RYR3: variants seen among roughly 807,000 people sequenced by gnomAD.
RYR3 encodes brain ryanodine receptor-calcium release channel.
Under a neutral mutation model 584.3 loss-of-function variants are expected in RYR3, and 207 were observed. The observed-to-expected ratio is 0.35, with a 90% CI of 0.32 to 0.40. The LOEUF (loss-of-function observed/expected upper bound fraction) is 0.40. Among genes scored for constraint, RYR3 ranks in the 10% least tolerant of loss-of-function variants. The pLI, the probability that RYR3 is intolerant of heterozygous loss-of-function variation, is 1.00. For missense variants in RYR3, 5,616 were observed against 6,089.2 expected (o/e 0.92, Z 2.59); for synonymous variants, 2,416 against 2,248.5 (o/e 1.07, Z -2.11).
chr15:33,715,680 G>A (rs2067443528), intron 43 of RYR3, among the ~76,000 whole-genome samples: 1 of 152,192 alleles, frequency 6.6e-6, no homozygotes, highest in African/African-American at 2.4e-5. Context: ...CAGTAAGATT[G>A]ATGTCTGGGA....
intron 19 of RYR3, among the ~76,000 whole-genome samples, chr15:33,619,172 T>C (rs1025166315): frequency 3.9e-5 from 6 of 152,080 alleles, no homozygotes; most frequent in African/African-American, 1.4e-4. Flanking sequence ...ATGAAATATC[T>C]GAGTTATAGA....
intron 10 of RYR3, among the ~76,000 whole-genome samples, chr15:33,561,942 G>C (rs2057429094): frequency 6.6e-6 from 1 of 151,882 alleles, no homozygotes; most frequent in Non-Finnish European, 1.5e-5. Flanking sequence ...TTTGCAAATA[G>C]GCAACAGCCG....
At chr15:33,344,402 C>G (rs1339143914) in intron 1 of RYR3, among the ~76,000 whole-genome samples, 1 of 152,140 alleles carries the variant, frequency 6.6e-6, no homozygotes, top group East Asian at 1.9e-4. Context: ...TAGACCCTGC[C>G]ATGGGTATAT....
intron 43 of RYR3, among the ~76,000 whole-genome samples, chr15:33,716,664 A>G (rs935348534): frequency 6.6e-6 from 1 of 152,200 alleles, no homozygotes; most frequent in African/African-American, 2.4e-5. Context: ...TATCAGCTAC[A>G]TTCTTTTCAC....
intron 1 of RYR3, among the ~76,000 whole-genome samples, chr15:33,359,541 C>T (rs960030114): frequency 2.0e-5 from 3 of 152,206 alleles, no homozygotes; most frequent in Admixed American, 6.5e-5. Flanking sequence ...CCTTTCACTT[C>T]ACTGAGGTTT....
intron 1 of RYR3, among the ~76,000 whole-genome samples, chr15:33,368,205 A>G (rs1975769716): frequency 6.6e-6 from 1 of 152,150 alleles, no homozygotes; most frequent in African/African-American, 2.4e-5. Context: ...GAACAACAAC[A>G]ACAAAAACAT....
At position 33,585,860 on chromosome 15, in the gene RYR3, T is replaced by C. The variant is rs1015666004; in HGVS notation, c.1670-138T>C. ...GGAAATGATGCATTTTTTTTCTGGCTGGAAAGATTTGATAGATTCAAAGAA... is the reference window on the plus strand; with the variant it reads ...GGAAATGATGCATTTTTTTTCTGGCCGGAAAGATTTGATAGATTCAAAGAA... On this transcript the variant is annotated intron_variant, in intron 15 of 103. Coordinates refer to ENST00000634891, the MANE Select transcript of RYR3 (RefSeq NM_001036.6). 2.2e-5 allele frequency: 13 copies of C among 599,168 alleles called. No homozygotes were observed. In the African/African-American group the frequency reaches 2.3e-4, roughly 10 times the overall value. 37.1% of individuals were successfully genotyped at this position (599,168 alleles called of 1,614,324 possible). A position where few individuals can be genotyped will look rare whatever the true frequency, so the allele number is the denominator to read the frequency against.
intron 8 of RYR3, among the ~76,000 whole-genome samples, chr15:33,546,902 A>T (rs187460274): frequency 6.6e-6 from 1 of 152,214 alleles, no homozygotes; most frequent in East Asian, 1.9e-4. Context: ...GACCACTTCA[A>T]TTGTGATCCA....
chr15:33,860,719 T>A, intron 101 of RYR3, 60 bp downstream of exon 101: 1 of 1,249,346 alleles, frequency 8.0e-7, no homozygotes. Context: ...AGCAAATAGA[T>A]TTTTTAAACA....
At chr15:33,749,388 GC>G (rs997524066) in intron 55 of RYR3, among the ~76,000 whole-genome samples, 1 of 152,158 alleles carries the variant, frequency 6.6e-6, no homozygotes, top group Non-Finnish European at 1.5e-5. Flanking sequence ...GGTGGCTGTG[GC>G]CTGCCCTAGC....
Position 33,663,519 on chromosome 15 carries a change from A to G in RYR3, c.5419-18A>G, listed in dbSNP as rs777488032. ...CCAAAGTACACAAAGTGTTATCTAT[A>G]TAATACTTTCATTGCAGATGTGTGA... On this transcript the variant is annotated intron_variant, in intron 35 of 103. Transcript: ENST00000634891. The G allele has an allele frequency of 1.2e-6, 2 of 1,609,430 alleles. No individual in the cohort carries two copies. Among genetic ancestry groups the G allele is most frequent in the East Asian group, 2.2e-5 (1 of 44,866 alleles).
chr15:33,547,487 G>GT (rs1334611154), intron 8 of RYR3, among the ~76,000 whole-genome samples: 18 of 152,186 alleles, frequency 1.2e-4, no homozygotes, highest in Admixed American at 1.2e-3. Context: ...GAGAAGCTGA[G>GT]TGAGATCATA....
intron 3 of RYR3, among the ~76,000 whole-genome samples, chr15:33,526,488 A>G (rs1353145239): frequency 6.6e-6 from 1 of 152,148 alleles, no homozygotes; most frequent in Non-Finnish European, 1.5e-5. Context: ...GACCCACACA[A>G]TCTTCTATGT....
At chr15:33,356,327 T>C (rs191074821) in intron 1 of RYR3, among the ~76,000 whole-genome samples, 37 of 152,330 alleles carry the variant, frequency 2.4e-4, no homozygotes, top group Admixed American at 7.8e-4. Flanking sequence ...CTGGTGTGCT[T>C]TGTGATATGC....
chr15:33,503,724 A>G lies in RYR3; in HGVS notation c.265A>G (p.Asn89Asp). The change falls in exon 3 of 104, where the codon AAT (asparagine) becomes GAT (aspartate). Residue 89 changes from asparagine to aspartate, a missense_variant. By Grantham distance (23) the Asn-to-Asp change is conservative. Around this residue, in one of 9 missense-constraint regions of RYR3, gnomAD observed 1,284 missense variants for 1,344.6 expected, o/e 0.95. Coordinates refer to ENST00000634891, the MANE Select transcript of RYR3 (RefSeq NM_001036.6). Reference sequence around the variant, plus strand: ...GGAAATGCTTGCCAACACAGGTGAAAATGGCGGCGAAGGGGTGAGTACCCG... The same window carrying G: ...GGAAATGCTTGCCAACACAGGTGAAGATGGCGGCGAAGGGGTGAGTACCCG... ...LQEMLANTGE[N>D]GGEGAAQGGG... is the part of the protein sequence containing the mutation. 6.2e-7 allele frequency: 1 copy of G among 1,610,052 alleles called. No individual in the cohort carries two copies. Among genetic ancestry groups the G allele is most frequent in the Non-Finnish European group, 8.5e-7 (1 of 1,177,858 alleles).
chr15:33,365,751 G>A (rs1444310506), intron 1 of RYR3, among the ~76,000 whole-genome samples: 1 of 152,172 alleles, frequency 6.6e-6, no homozygotes, highest in Admixed American at 6.5e-5. Flanking sequence ...AGGAAACTTT[G>A]GGAGATGATG....
At chr15:33,644,253 C>T (rs890833644) in intron 27 of RYR3, 58 bp from the exon 28 acceptor site, 22 of 1,402,498 alleles carry the variant, frequency 1.6e-5, no homozygotes, top group Admixed American at 1.4e-4. Flanking sequence ...TCAGCTGCCT[C>T]GGAGTTTCCT....
chr15:33,451,306 T>C (rs1259139390), intron 1 of RYR3, among the ~76,000 whole-genome samples: 2 of 152,150 alleles, frequency 1.3e-5, no homozygotes, highest in Admixed American at 1.3e-4. Flanking sequence ...CCTTTCTCTC[T>C]CTACCCCTTC....
At position 33,584,515 on chromosome 15, in the gene RYR3, C is replaced by T. The variant is rs750510479; in HGVS notation, c.1669+25C>T. 9 of 1,090,392 alleles carry T rather than the reference C, an allele frequency of 8.3e-6. No homozygotes were observed. In the Admixed American group the frequency reaches 1.9e-4, roughly 23 times the overall value. 67.5% of individuals were successfully genotyped at this position (1,090,392 alleles called of 1,614,324 possible). ...GGTGAGAATTGACAGGAAACTATAA[C>T]TAGAAAAGATGAAGGGTTTTTTTTT... On this transcript the variant is annotated intron_variant, in intron 15 of 103. Coordinates refer to ENST00000634891, the MANE Select transcript of RYR3 (RefSeq NM_001036.6).
Sources: allele counts gnomAD v4.1 joint callset (sites outside exome capture counted in the v4.1 genomes callset), GRCh38; gene constraint gnomAD v4.1.1; regional missense constraint gnomAD v4.1.1; transcripts MANE v1.5; gene names NCBI Gene and HGNC (gene_info 2026-07-23, HGNC 2026-07-21).